KCNS3: variants seen among roughly 807,000 people sequenced by gnomAD.
KCNS3 encodes the protein delayed-rectifier potassium channel regulatory subunit KCNS3.
In KCNS3, 13 loss-of-function variants were observed where a neutral mutation model predicts 31.0. That is an observed-to-expected ratio of 0.42 (90% CI 0.27 to 0.67). KCNS3 has a LOEUF of 0.67. Among genes scored for constraint, KCNS3 ranks in the 30% least tolerant of loss-of-function variants. The pLI, the probability that KCNS3 is intolerant of heterozygous loss-of-function variation, is 0.25. For missense variants in KCNS3, 545 were observed against 622.4 expected (o/e 0.88, Z 1.32); for synonymous variants, 238 against 241.5 (o/e 0.99, Z 0.13).
chr2:17,897,460 T>C (rs1162390595), intron 1 of KCNS3, among the ~76,000 whole-genome samples: 1 of 152,202 alleles, frequency 6.6e-6, no homozygotes, highest in Non-Finnish European at 1.5e-5. Flanking sequence ...TTGAGAAATC[T>C]CCAATCTGCT....
At chr2:17,898,975 C>A (rs1293824488) in intron 1 of KCNS3, among the ~76,000 whole-genome samples, 1 of 152,138 alleles carries the variant, frequency 6.6e-6, no homozygotes, top group African/African-American at 2.4e-5. Flanking sequence ...GGCCTGTAAT[C>A]CCAGCACTTT....
intron 1 of KCNS3, among the ~76,000 whole-genome samples, chr2:17,901,710 G>A (rs540919947): frequency 2.0e-5 from 3 of 152,072 alleles, no homozygotes; most frequent in South Asian, 4.1e-4. Context: ...ACACAAAGCT[G>A]GAGGCCTGCA....
At chr2:17,906,990 C>T (rs984765144) in intron 1 of KCNS3, among the ~76,000 whole-genome samples, 76 of 152,174 alleles carry the variant, frequency 5.0e-4, no homozygotes, top group African/African-American at 1.8e-3. Context: ...TGGTGCAGAG[C>T]TGAGTTCAAT....
chr2:17,915,406 A>G (rs1007747516), intron 1 of KCNS3, among the ~76,000 whole-genome samples: 1 of 152,176 alleles, frequency 6.6e-6, no homozygotes, highest in African/African-American at 2.4e-5. Context: ...TTGAATGGAC[A>G]CATTTTTCTT....
In KCNS3 at chr2:17,884,256, T is replaced by TAA. The variant is rs34385647; in HGVS notation, c.-252+5462_-252+5463dup. ...TGTACCCTAGAACTTAAAGTATAATTAAAAAAAAAAAAATATATATATATA... is the reference window on the plus strand; with the variant it reads ...TGTACCCTAGAACTTAAAGTATAATTAAAAAAAAAAAAAAATATATATATATA... On this transcript the variant is annotated intron_variant, in intron 1 of 2. Coordinates refer to ENST00000304101, the MANE Select transcript of KCNS3 (RefSeq NM_002252.5). 5.9e-3 allele frequency among the ~76,000 whole-genome samples: 510 copies of TAA among 86,718 alleles called. 7 individuals carry two copies. Among genetic ancestry groups the TAA allele is most frequent in the African/African-American group, 0.02 (452 of 22,148 alleles). The allele number at this position is 86,718 out of a possible 152,430, so 56.9% of individuals were successfully genotyped here. A position where few individuals can be genotyped will look rare whatever the true frequency, so the allele number is the denominator to read the frequency against.
intron 1 of KCNS3, among the ~76,000 whole-genome samples, chr2:17,902,542 A>G (rs1216328671): frequency 6.6e-6 from 1 of 152,236 alleles, no homozygotes; most frequent in African/African-American, 2.4e-5. Context: ...AAAGCCCTCC[A>G]GCTTATAGGA....
chr2:17,893,515 A>C (rs1478936164), intron 1 of KCNS3, among the ~76,000 whole-genome samples: 2 of 152,158 alleles, frequency 1.3e-5, no homozygotes, highest in Non-Finnish European at 2.9e-5. Flanking sequence ...TACCCCCTGC[A>C]TCTCTGGGCA....
At chr2:17,888,835 T>C (rs963840827) in intron 1 of KCNS3, among the ~76,000 whole-genome samples, 3 of 151,558 alleles carry the variant, frequency 2.0e-5, no homozygotes, top group Admixed American at 1.3e-4. Flanking sequence ...TATGGCCTTA[T>C]AGTATAGTTT....
chr2:17,889,332 G>A (rs749696869), intron 1 of KCNS3, among the ~76,000 whole-genome samples: 1 of 152,158 alleles, frequency 6.6e-6, no homozygotes, highest in East Asian at 1.9e-4. Flanking sequence ...TTCTGGAGGA[G>A]TCCTTAGAAT....
At chr2:17,910,085 G>A (rs1040431781) in intron 1 of KCNS3, among the ~76,000 whole-genome samples, 5 of 152,200 alleles carry the variant, frequency 3.3e-5, no homozygotes, top group African/African-American at 1.2e-4. Context: ...GAAACCTACA[G>A]GATGTAAAGG....
intron 1 of KCNS3, among the ~76,000 whole-genome samples, chr2:17,908,902 G>T (rs1662403261): frequency 6.6e-6 from 1 of 152,200 alleles, no homozygotes; most frequent in South Asian, 2.1e-4. Context: ...GGCTGCTCGG[G>T]GGTCAGGGAC....
chr2:17,896,634 G>T (rs1292000163), intron 1 of KCNS3, among the ~76,000 whole-genome samples: 2 of 152,042 alleles, frequency 1.3e-5, no homozygotes, highest in East Asian at 1.9e-4. Flanking sequence ...TTCCCTTTGG[G>T]TAATTATACT....
rs182796971 is a variant in KCNS3 at position 17,888,631 on chromosome 2, A to G, written c.-252+9825A>G. 8.8e-3 allele frequency among the ~76,000 whole-genome samples: 266 copies of G among 30,384 alleles called. 10 individuals carry two copies. Among genetic ancestry groups the G allele is most frequent in the African/African-American group, 0.016 (116 of 7,072 alleles). 19.9% of individuals were successfully genotyped at this position (30,384 alleles called of 152,430 possible). ...ACTTAAAGTATAATAAAAAAAATGTATATATATATATATATATATATATAT... is the reference window on the plus strand; with the variant it reads ...ACTTAAAGTATAATAAAAAAAATGTGTATATATATATATATATATATATAT... On this transcript the variant is annotated intron_variant, in intron 1 of 2. Coordinates refer to ENST00000304101, the MANE Select transcript of KCNS3 (RefSeq NM_002252.5).
At chr2:17,879,092 T>C (rs1291923554) in intron 1 of KCNS3, among the ~76,000 whole-genome samples, 3 of 152,188 alleles carry the variant, frequency 2.0e-5, no homozygotes, top group Non-Finnish European at 4.4e-5. Flanking sequence ...TGGGTTGATT[T>C]GAAAGCCTCG....
At chr2:17,884,384 T>C (rs1443616986) in intron 1 of KCNS3, among the ~76,000 whole-genome samples, 1 of 150,286 alleles carries the variant, frequency 6.7e-6, no homozygotes, top group Non-Finnish European at 1.5e-5. Context: ...TTCTGAGGGC[T>C]GTGAAAAATG....
At chr2:17,893,940 G>GT (rs5829612) in intron 1 of KCNS3, among the ~76,000 whole-genome samples, 2,647 of 98,830 alleles carry the variant, frequency 0.027, 168 homozygotes, top group African/African-American at 0.064. Context: ...CCAGGAGCCA[G>GT]TTTTTTTTTT....
Position 17,931,083 on chromosome 2 carries a change from GC to G in KCNS3, c.76del (p.Gln26SerfsTer55). 1 of 1,614,172 alleles carries G rather than the reference GC, an allele frequency of 6.2e-7. No individual in the cohort carries two copies. The highest frequency in any genetic ancestry group is 2.2e-5 in the East Asian group (1 of 44,884). On this transcript the variant is annotated frameshift_variant, in exon 3 of 3. Transcript: ENST00000304101. LOFTEE classifies it high-confidence loss of function. The surrounding 1 kb of genome is among the most constrained non-coding windows in gnomAD (Gnocchi z 5.4). The stretch of plus-strand genomic sequence containing the variant: ...TCAACCTGAATGTGGGGGGCTTTAA[GC>G]AGTCTGTTGACCAAAGCACCCTCCT... ...LVNLNVGGFK[Q>X]SVDQSTLLRF...
chr2:17,887,484 G>GATCTATCTATCTATCCATCT (rs1553341248), intron 1 of KCNS3, among the ~76,000 whole-genome samples: 1 of 146,242 alleles, frequency 6.8e-6, no homozygotes, highest in East Asian at 2.0e-4. Context: ...TCTATCATAT[G>GATCTATCTATCTATCCATCT]ATCTATCTAT....
intron 1 of KCNS3, among the ~76,000 whole-genome samples, chr2:17,892,180 G>A (rs769548215): frequency 5.3e-5 from 8 of 151,784 alleles, no homozygotes; most frequent in Middle Eastern, 3.4e-3. Flanking sequence ...CCTTGTCTTC[G>A]AGCTCTGAAT....
Sources: gnomAD v4.1 joint callset for allele counts (sites outside exome capture counted in the v4.1 genomes callset) on GRCh38, gnomAD v4.1.1 for gene constraint, Gnocchi (gnomAD v3.1) non-coding constraint, MANE v1.5 for transcripts, NCBI Gene and HGNC (gene_info 2026-07-23, HGNC 2026-07-21) for gene names.